LNX1: variants seen among roughly 807,000 people sequenced by gnomAD.
LNX1 encodes the protein ligand of numb-protein X 1, also known as E3 ubiquitin-protein ligase LNX.
Under a neutral mutation model 68.4 loss-of-function variants are expected in LNX1, and 54 were observed. The observed-to-expected ratio is 0.79, with a 90% confidence interval of 0.63 to 0.99. LNX1 has a LOEUF of 0.99. LNX1 is among the 50% of genes least tolerant of loss of function. LNX1 has a pLI of 0.00. For missense variants in LNX1, 906 were observed against 926.4 expected, an observed-to-expected ratio of 0.98 and a Z score of 0.29; for synonymous variants, 336 against 350.0, an observed-to-expected ratio of 0.96 and a Z score of 0.45.
At chr4:53,495,307 C>T (rs931038509) in intron 6 of LNX1, among the ~76,000 whole-genome samples, 6 of 152,102 alleles carry the variant, frequency 3.9e-5, no homozygotes, top group African/African-American at 1.2e-4. Context: ...GTGACCCTGA[C>T]GAAGTCAACA....
chr4:53,621,405 G>A (rs1381906568), upstream of LNX1, among the ~76,000 whole-genome samples: 4 of 152,130 alleles, frequency 2.6e-5, no homozygotes, highest in East Asian at 3.9e-4. Context: ...TCCAGGACAG[G>A]GAGACTGTTT....
In LNX1 at chr4:53,481,779, C is replaced by G. The variant is rs138151311; in HGVS notation, c.1426G>C (p.Gly476Arg). The change falls in exon 7 of 11, where the codon GGC becomes CGC. Residue 476 changes from glycine to arginine, a missense_variant. Physicochemically the swap from Gly to Arg is moderately radical, Grantham distance 125. Coordinates refer to ENST00000263925, the MANE Select transcript of LNX1 (RefSeq NM_001126328.3). ...QRSPDIFQEA[G>R]WNSNGSWSPG... ...GACCAGCTGCCATTGCTGTTCCAGC[C>G]GGCTTCCTGAAAGATGTCAGGGCTC... The G allele has an allele frequency of 6.2e-7, 1 of 1,613,786 alleles. No individual in the cohort carries two copies. The highest frequency in any genetic ancestry group is 8.5e-7 in the Non-Finnish European group (1 of 1,179,830).
chr4:53,516,955 T>C (rs927848357), intron 2 of LNX1, among the ~76,000 whole-genome samples: 4 of 152,164 alleles, frequency 2.6e-5, no homozygotes, highest in African/African-American at 9.7e-5. Context: ...CAAAGTGAAC[T>C]GCTGCCCCTG....
At chr4:53,522,933 T>G (rs1248097161) in intron 2 of LNX1, 5 of 152,232 alleles carry the variant, frequency 3.3e-5, no homozygotes, top group Admixed American at 6.5e-5. Flanking sequence ...TCTGTATGTT[T>G]ATGATTTTTG....
intron 4 of LNX1, among the ~76,000 whole-genome samples, chr4:53,501,300 G>GT (rs1725470794): frequency 4.7e-5 from 1 of 21,384 alleles, no homozygotes; most frequent in African/African-American, 1.2e-4. Flanking sequence ...TTTTTTTTTT[G>GT]GGGGTGGGGG....
In LNX1 at chr4:53,474,774, C is replaced by CTT. The variant is rs11395102; in HGVS notation, c.1892+1977_1892+1978dup. Among the ~76,000 whole-genome samples the CTT allele has an allele frequency of 8.0e-3, 1,188 of 148,790 alleles. 16 individuals carry two copies. The highest frequency in any genetic ancestry group is 0.027 in the African/African-American group (1,085 of 40,648). On this transcript the variant is annotated intron_variant, in intron 9 of 10. Coordinates refer to ENST00000263925, the MANE Select transcript of LNX1 (RefSeq NM_001126328.3). ...GAGCAAAGTGCAGACTCTACTTCTTCTTTTTTTTTTGAGACAGAGTCTCTC... is the reference window on the plus strand; with the variant it reads ...GAGCAAAGTGCAGACTCTACTTCTTCTTTTTTTTTTTTGAGACAGAGTCTCTC...
In LNX1 at chr4:53,508,263, T is replaced by C. The variant is rs370330664; in HGVS notation, c.381-36A>G. On this transcript the variant is annotated intron_variant, in intron 2 of 10. Coordinates refer to ENST00000263925, the MANE Select transcript of LNX1 (RefSeq NM_001126328.3). The stretch of plus-strand genomic sequence containing the variant: ...ACCAGCGGGGAGGTGAAGAAGAGCT[T>C]TGGCTCTGCTGCCATTCCTCAGTCA... 5.6e-5 allele frequency: 90 copies of C among 1,600,220 alleles called. No individual in the cohort carries two copies. In the African/African-American group the frequency reaches 9.6e-4, roughly 17 times the overall value.
rs113424704 is a variant in LNX1, at chr4:53,580,155, A to C, written c.-86-6067T>G. ...ATTCTACCTTTGGATAGCTTTGATT[A>C]ATAGAGGAAAAAGTCCACATAATGA... is the stretch of plus-strand genomic sequence containing the variant. On this transcript the variant is annotated intron_variant, in intron 1 of 10. Coordinates refer to ENST00000263925, the MANE Select transcript of LNX1 (RefSeq NM_001126328.3). 6.8e-3 allele frequency among the ~76,000 whole-genome samples: 1,033 copies of C among 152,330 alleles called. 10 individuals carry two copies. Among genetic ancestry groups the C allele is most frequent in the African/African-American group, 0.019 (782 of 41,578 alleles).
At chr4:53,478,397 C>A (rs571270005) in intron 8 of LNX1, among the ~76,000 whole-genome samples, 168 bp downstream of exon 8, 1 of 152,202 alleles carries the variant, frequency 6.6e-6, no homozygotes, top group Admixed American at 6.5e-5. Context: ...AAAAGTGGAA[C>A]CTGGTCTAGT....
At chr4:53,564,448 T>G (rs1280186233) in intron 2 of LNX1, among the ~76,000 whole-genome samples, 1 of 151,808 alleles carries the variant, frequency 6.6e-6, no homozygotes, top group Non-Finnish European at 1.5e-5. Context: ...TGAGGAGGAG[T>G]GGCTGGGTTT....
chr4:53,627,424 A>G (rs1032308046), intron 1 of LNX1, among the ~76,000 whole-genome samples: 6 of 152,186 alleles, frequency 3.9e-5, no homozygotes, highest in Non-Finnish European at 8.8e-5. Context: ...TGAAAGTTTA[A>G]TTCCCTTCCA....
chr4:53,502,338 G>C (rs531251590), intron 4 of LNX1, among the ~76,000 whole-genome samples: 1 of 152,136 alleles, frequency 6.6e-6, no homozygotes, highest in Non-Finnish European at 1.5e-5. Flanking sequence ...ACTGCTATAA[G>C]AAAGTGAGTC....
chr4:53,566,470 G>A (rs1054347554), intron 2 of LNX1, among the ~76,000 whole-genome samples: 3 of 151,350 alleles, frequency 2.0e-5, no homozygotes, highest in African/African-American at 4.9e-5. Flanking sequence ...TCACCACCAG[G>A]CCTGCCCTAA....
chr4:53,592,453 G>A (rs555459222), upstream of LNX1, among the ~76,000 whole-genome samples: 33 of 152,170 alleles, frequency 2.2e-4, no homozygotes, highest in Admixed American at 9.8e-4. Flanking sequence ...TTCCCAGGAG[G>A]GCTGTAAACA....
At chr4:53,546,657 C>T (rs1325286435) in intron 2 of LNX1, among the ~76,000 whole-genome samples, 1 of 152,164 alleles carries the variant, frequency 6.6e-6, no homozygotes, top group East Asian at 1.9e-4. Context: ...TCCAAGCTCT[C>T]CTTCGGCTCT....
chr4:53,521,594 G>A (rs117907046), intron 2 of LNX1, among the ~76,000 whole-genome samples: 1 of 152,252 alleles, frequency 6.6e-6, no homozygotes, highest in African/African-American at 2.4e-5. Context: ...GCCAGTTTCT[G>A]TATTTGCTAA....
intron 2 of LNX1, chr4:53,524,319 T>C (rs776891512): frequency 4.6e-5 from 7 of 152,138 alleles, no homozygotes; most frequent in Admixed American, 1.3e-4. Context: ...GGCCCAGGCT[T>C]GGAGGTGGCA....
At chr4:53,582,410 C>G (rs190518091) in intron 1 of LNX1, among the ~76,000 whole-genome samples, 2 of 152,314 alleles carry the variant, frequency 1.3e-5, no homozygotes, top group East Asian at 3.9e-4. Context: ...CACAAAACGA[C>G]CGGATCCTGT....
intron 2 of LNX1, among the ~76,000 whole-genome samples, chr4:53,565,437 C>G (rs1163581988): frequency 2.6e-5 from 4 of 151,048 alleles, no homozygotes; most frequent in Non-Finnish European, 4.4e-5. Context: ...AGCTGAGGGT[C>G]CTGTCTGTTA....
Sources: gnomAD v4.1 joint callset for allele counts (sites outside exome capture counted in the v4.1 genomes callset) on GRCh38, gnomAD v4.1.1 for gene constraint, MANE v1.5 for transcripts, NCBI Gene and HGNC (gene_info 2026-07-23, HGNC 2026-07-21) for gene names.